Variants in HECTD3 observed in about 807,000 individuals in gnomAD.
HECTD3 encodes the protein HECT domain E3 ubiquitin protein ligase 3, also known as E3 ubiquitin-protein ligase HECTD3.
A neutral mutation model predicts 109.3 loss-of-function variants in HECTD3; 72 were observed. The observed-to-expected ratio is 0.66, with a 90% CI of 0.54 to 0.80. HECTD3 has a LOEUF of 0.80. Ranked by LOEUF, HECTD3 falls within the 30% of genes least tolerant of loss-of-function variation. The pLI is 0.00. For synonymous variants in HECTD3, 481 were observed against 471.8 expected, an observed-to-expected ratio of 1.02 and a Z score of -0.25; for missense variants, 1,041 against 1,165.2, an observed-to-expected ratio of 0.89 and a Z score of 1.55.
chr1:45,010,745 CTGCCCAGCCGCCTGTCG>C (rs1644783042), intron 1 of HECTD3, 39 bp from the exon 2 acceptor site: 7 of 1,524,204 alleles, frequency 4.6e-6, no homozygotes, highest in Middle Eastern at 1.9e-4. Context: ...CGTCAGGGAA[CTGCCCAGCCGCCTGTCG>C]TGCCCAGCCC....
chr1:45,003,335 C>T lies in HECTD3; in HGVS notation c.*157G>A, dbSNP rs1439443953. 3.1e-6 allele frequency: 2 copies of T among 654,702 alleles called. No individual in the cohort carries two copies. The highest frequency in any genetic ancestry group is 3.5e-5 in the South Asian group (2 of 56,754). 40.6% of individuals were successfully genotyped at this position (654,702 alleles called of 1,614,324 possible). On this transcript the variant is annotated 3_prime_UTR_variant, in exon 21 of 21. Coordinates refer to ENST00000372172, the MANE Select transcript of HECTD3 (RefSeq NM_024602.6). The surrounding 1 kb of genome is among the most constrained non-coding windows in gnomAD (Gnocchi z 4.7). ...GGCTGGGCCACTAGTGTTACCTGAC[C>T]ATGCCAGCTGCCCCTACCCCAACTG... is the stretch of plus-strand genomic sequence containing the variant.
chr1:45,011,098 C>A lies in HECTD3; in HGVS notation c.160G>T (p.Asp54Tyr). The change falls in exon 1 of 21, where the codon GAC becomes TAC. Residue 54 changes from aspartate (D) to tyrosine (Y), a missense_variant. This residue lies in a region of HECTD3 where 472 missense variants were observed against 449.9 expected (regional missense o/e 1.05). Transcript: ENST00000372172. ...AGCACGCGCGACGGTCCCGCTGGGT[C>A]CTTGTAAAGCTTGTAGAGCACCTCT... Reference protein sequence around the residue: ...PREVLYKLYKDPAGPSRVLLP... With the variant: ...PREVLYKLYKYPAGPSRVLLP... The A allele has an allele frequency of 6.7e-7, 1 of 1,503,026 alleles. No homozygotes were observed. The allele number at this position is 1,503,026 out of a possible 1,614,324, so 93.1% of individuals were successfully genotyped here.
chr1:45,010,774 G>A (rs376093618), intron 1 of HECTD3, 68 bp from the exon 2 acceptor site: 4 of 1,511,086 alleles, frequency 2.6e-6, no homozygotes. Context: ...GCCCAGCCCA[G>A]GGCAAAGGGC....
chr1:45,008,691 A>G lies in HECTD3; in HGVS notation c.1083T>C (p.Ile361=). 6.2e-7 allele frequency: 1 copy of G among 1,613,300 alleles called. No homozygotes were observed. The highest frequency in any genetic ancestry group is 1.1e-5 in the South Asian group (1 of 91,042). The change falls in exon 8 of 21, where the codon ATT becomes ATC. Residue 361 remains isoleucine, a synonymous_variant. Transcript: ENST00000372172. ...TCTTGACCCCTCGGAGACGAACATC[A>G]ATCCCATCATCTGGGGGAAGGGGTC... ...IRIVECRDDG[I]DVRLRGVKIK...
Position 45,004,263 on chromosome 1 carries a change from C to T in HECTD3, c.2257G>A (p.Ala753Thr). 4 of 1,614,036 alleles carry T rather than the reference C, an allele frequency of 2.5e-6. No individual in the cohort carries two copies. The highest frequency in any genetic ancestry group is 3.4e-6 in the Non-Finnish European group (4 of 1,179,894). The change falls in exon 17 of 21, where the codon GCT becomes ACT. Residue 753 changes from alanine to threonine, a missense_variant. By Grantham distance (58) the Ala-to-Thr change is moderately conservative. This residue lies in a region of HECTD3 where 569 missense variants were observed against 715.3 expected (regional missense o/e 0.80). Coordinates refer to ENST00000372172, the MANE Select transcript of HECTD3 (RefSeq NM_024602.6). Reference protein sequence around the residue: ...VCGDPEVTVDALRKLTRFEDF... With the variant: ...VCGDPEVTVDTLRKLTRFEDF... ...GGGAACTCACTGAGCTTGCGCAGAGCATCCACAGTGACCTCTGGATCCCCA... is the reference window on the plus strand; with the variant it reads ...GGGAACTCACTGAGCTTGCGCAGAGTATCCACAGTGACCTCTGGATCCCCA...
rs767231301 is a variant in HECTD3, at chr1:45,003,736, C to T, written c.2434G>A (p.Glu812Lys). The change falls in exon 20 of 21, where the codon GAG (glutamate) becomes AAG (lysine). Residue 812 changes from glutamate (E) to lysine (K), a missense_variant. By Grantham distance (56) the Glu-to-Lys change is moderately conservative (BLOSUM62 1). Around this residue, in one of 2 missense-constraint regions of HECTD3, gnomAD observed 569 missense variants for 715.3 expected, o/e 0.80. Coordinates refer to ENST00000372172, the MANE Select transcript of HECTD3 (RefSeq NM_024602.6). The surrounding 1 kb of genome is among the most constrained non-coding windows in gnomAD (Gnocchi z 4.7). ...GACTCGGGCAGCGCGTCTGTGGTCT[C>T]GTAGCTGGGGGCATTGAGGGACCAT... ...IYIYPDKLGYETTDALPESST... is the reference protein window; with the variant it reads ...IYIYPDKLGYKTTDALPESST... 11 of 1,613,872 alleles carry T rather than the reference C, an allele frequency of 6.8e-6. No individual in the cohort carries two copies. In the Middle Eastern group the frequency reaches 4.9e-4, roughly 72 times the overall value.
chr1:45,008,890 T>G (rs1202487866), intron 7 of HECTD3, among the ~76,000 whole-genome samples, 189 bp from the exon 8 acceptor site: 1 of 152,118 alleles, frequency 6.6e-6, no homozygotes, highest in Non-Finnish European at 1.5e-5. Context: ...TGTCTTCCAC[T>G]AGAATGCTGG....
Position 45,006,832 on chromosome 1 carries a change from G to A in HECTD3, c.1622-37C>T, listed in dbSNP as rs1352087409. On this transcript the variant is annotated intron_variant, in intron 12 of 20. Transcript: ENST00000372172. This position sits in a 1 kb window ranked among gnomAD's most constrained non-coding sequence, Gnocchi z 4.7. Reference sequence around the variant, plus strand: ...GATGCCCTCAGCTGGGCACTCAAGAGCCCAGCTCCCATAATGGGGTAATGA... The same window carrying A: ...GATGCCCTCAGCTGGGCACTCAAGAACCCAGCTCCCATAATGGGGTAATGA... The A allele has an allele frequency of 6.2e-7, 1 of 1,601,340 alleles. No homozygotes were observed. Among genetic ancestry groups the A allele is most frequent in the Admixed American group, 1.7e-5 (1 of 59,368 alleles).
rs1006617170 is a variant in HECTD3 at position 45,007,147 on chromosome 1, TGTG to T, written c.1556+69_1556+71del. 7 of 1,450,626 alleles carry T rather than the reference TGTG, an allele frequency of 4.8e-6. No homozygotes were observed. The Admixed American group carries it at 1.2e-4, about 25-fold the overall frequency. The allele number at this position is 1,450,626 out of a possible 1,614,324, so 89.9% of individuals were successfully genotyped here. The stretch of plus-strand genomic sequence containing the variant: ...GCAGTTGTGTGTGTGTGTGTGTGTG[TGTG>T]TGTGTGTTTGTGTGTGTTTGTGTGC... On this transcript the variant is annotated intron_variant, in intron 11 of 20. Coordinates refer to ENST00000372172, the MANE Select transcript of HECTD3 (RefSeq NM_024602.6).
chr1:45,005,683 G>A, intron 15 of HECTD3, 111 bp downstream of exon 15: 1 of 836,196 alleles, frequency 1.2e-6, no homozygotes, highest in Non-Finnish European at 1.9e-6. Context: ...GGAGTGGATG[G>A]ATTGGAGAGG....
chr1:45,005,747 C>A lies in HECTD3; in HGVS notation c.1935+47G>T, dbSNP rs545441612. The A allele has an allele frequency of 6.0e-6, 9 of 1,504,194 alleles. No individual in the cohort carries two copies. In the East Asian group the frequency reaches 2.0e-4, roughly 34 times the overall value. 93.2% of individuals were successfully genotyped at this position (1,504,194 alleles called of 1,614,324 possible). A position where few individuals can be genotyped will look rare whatever the true frequency, so the allele number is the denominator to read the frequency against. On this transcript the variant is annotated intron_variant, in intron 15 of 20. Coordinates refer to ENST00000372172, the MANE Select transcript of HECTD3 (RefSeq NM_024602.6). ...ACAGAACAGCCTTAGGGAGGACCAA[C>A]CTTTAGGGGCTGGGCAGAGGAAACA...
intron 14 of HECTD3, 21 bp from the exon 15 acceptor site, chr1:45,005,904 A>C (rs1337544505): frequency 6.2e-7 from 1 of 1,604,404 alleles, no homozygotes; most frequent in African/African-American, 1.3e-5. Context: ...AACACTCCCC[A>C]CTGTCTTCTC....
chr1:45,007,643 C>A, intron 9 of HECTD3, 48 bp from the exon 10 acceptor site: 1 of 1,524,146 alleles, frequency 6.6e-7, no homozygotes, highest in South Asian at 1.1e-5. Flanking sequence ...CAGTCAGCCT[C>A]CGTCCAGGCC....
rs777417148 is a variant in HECTD3, at chr1:45,003,756, G to A, written c.2430-16C>T. ...GGTCTCGTAGCTGGGGGCATTGAGGGACCATAGGTCAGGAAGATGTGTTGG... is the reference window on the plus strand; with the variant it reads ...GGTCTCGTAGCTGGGGGCATTGAGGAACCATAGGTCAGGAAGATGTGTTGG... On this transcript the variant is annotated splice_polypyrimidine_tract_variant and intron_variant, in intron 19 of 20. Transcript: ENST00000372172. The surrounding 1 kb of genome is among the most constrained non-coding windows in gnomAD (Gnocchi z 4.7). The A allele has an allele frequency of 1.2e-6, 2 of 1,613,936 alleles. No individual in the cohort carries two copies. The highest frequency in any genetic ancestry group is 3.3e-5 in the Admixed American group (2 of 60,010).
In HECTD3 at chr1:45,006,584, G is replaced by T. The variant is rs1175026677; in HGVS notation, c.1725+108C>A. ...CCCAAAGTGCTGGGATTACAGGCGT[G>T]AGCCACTGTGCCTGCCCCCTTTCTA... On this transcript the variant is annotated intron_variant, in intron 13 of 20. Transcript: ENST00000372172. The surrounding 1 kb of genome is among the most constrained non-coding windows in gnomAD (Gnocchi z 4.7). 1 of 905,372 alleles carries T rather than the reference G, an allele frequency of 1.1e-6. No homozygotes were observed. Among genetic ancestry groups the T allele is most frequent in the African/African-American group, 1.7e-5 (1 of 59,840 alleles). 56.1% of individuals were successfully genotyped at this position (905,372 alleles called of 1,614,324 possible). A position where few individuals can be genotyped will look rare whatever the true frequency, so the allele number is the denominator to read the frequency against.
chr1:45,010,944 C>T lies in HECTD3; in HGVS notation c.314G>A (p.Arg105His). Residue 105 changes from arginine (R) to histidine (H), a missense_variant, in exon 1 of 21, where the codon CGC (arginine) becomes CAC (histidine). Around this residue, in one of 2 missense-constraint regions of HECTD3, gnomAD observed 472 missense variants for 449.9 expected, o/e 1.05. Transcript: ENST00000372172. ...SIELRRGACV[R>H]TTGEELCNGH... The stretch of plus-strand genomic sequence containing the variant: ...ATTGCACAGCTCCTCGCCCGTGGTG[C>T]GCACGCAGGCGCCGCGCCGGAGCTC... 1 of 1,536,194 alleles carries T rather than the reference C, an allele frequency of 6.5e-7. No individual in the cohort carries two copies. Among genetic ancestry groups the T allele is most frequent in the Non-Finnish European group, 8.7e-7 (1 of 1,154,506 alleles).
At chr1:45,010,859 T>C in intron 1 of HECTD3, 30 bp downstream of exon 1, 5 of 1,507,890 alleles carry the variant, frequency 3.3e-6, no homozygotes, top group Non-Finnish European at 4.4e-6. Flanking sequence ...CAGGGGTCTT[T>C]TACCGGGTCC....
chr1:45,003,411 G>T lies in HECTD3; in HGVS notation c.*81C>A. 2 of 1,284,576 alleles carry T rather than the reference G, an allele frequency of 1.6e-6. No homozygotes were observed. The highest frequency in any genetic ancestry group is 1.2e-5 in the South Asian group (1 of 83,062). The allele number at this position is 1,284,576 out of a possible 1,614,324, so 79.6% of individuals were successfully genotyped here. On this transcript the variant is annotated 3_prime_UTR_variant, in exon 21 of 21. Transcript: ENST00000372172. The surrounding 1 kb of genome is among the most constrained non-coding windows in gnomAD (Gnocchi z 4.7). ...TTTGCTGAGCACGTCAGCCAAACCAGGGCAGGGAAGGTGTCTTCGCCCTGG... is the reference window on the plus strand; with the variant it reads ...TTTGCTGAGCACGTCAGCCAAACCATGGCAGGGAAGGTGTCTTCGCCCTGG...
In HECTD3 at chr1:45,011,295, GC is replaced by G; in HGVS notation, c.-39del. ...GAGGTGAGCACCTAGAGGCGACCCT[GC>G]CCGGGGAACAGCTGGCGCGACCGCG... On this transcript the variant is annotated 5_prime_UTR_variant, in exon 1 of 21. Coordinates refer to ENST00000372172, the MANE Select transcript of HECTD3 (RefSeq NM_024602.6). 7.4e-7 allele frequency: 1 copy of G among 1,350,162 alleles called. No individual in the cohort carries two copies. Among genetic ancestry groups the G allele is most frequent in the South Asian group, 1.8e-5 (1 of 55,598 alleles). 83.6% of individuals were successfully genotyped at this position (1,350,162 alleles called of 1,614,324 possible).
Sources: gnomAD v4.1 joint callset for allele counts (sites outside exome capture counted in the v4.1 genomes callset) on GRCh38, gnomAD v4.1.1 for gene constraint, gnomAD v4.1.1 regional missense constraint, Gnocchi (gnomAD v3.1) non-coding constraint, MANE v1.5 for transcripts, NCBI Gene and HGNC (gene_info 2026-07-23, HGNC 2026-07-21) for gene names.